Variants in FAT1 observed in about 807,000 individuals in gnomAD.
FAT1 encodes the protein protocadherin Fat 1.
Under a neutral mutation model 329.8 loss-of-function variants are expected in FAT1, and 171 were observed. That is an observed-to-expected ratio of 0.52 (90% confidence interval 0.46 to 0.59). The LOEUF is 0.59. Ranked by LOEUF, FAT1 falls within the 20% of genes least tolerant of loss-of-function variation. The probability of loss-of-function intolerance (pLI) is 0.00; values close to 1 mark genes in which losing one functional copy is unlikely to be tolerated. For missense variants in FAT1, 5,672 were observed against 5,774.4 expected (o/e 0.98, Z 0.57); for synonymous variants, 2,233 against 2,228.6 (o/e 1.00, Z -0.06).
rs1740409903 is a variant in FAT1, at chr4:186,628,188, C to G, written c.4776G>C (p.Gly1592=). ...LQVTALDKDK[G]KNAEVLYSIE... ...TCGAGTACAGCACTTCAGCATTTTTCCCTTTGTCCTTGTCCAGAGCCGTCA... is the reference window on the plus strand; with the variant it reads ...TCGAGTACAGCACTTCAGCATTTTTGCCTTTGTCCTTGTCCAGAGCCGTCA... Residue 1592 remains glycine (G), a synonymous_variant, in exon 9 of 27, where the codon GGG becomes GGC. Coordinates refer to ENST00000441802, the MANE Select transcript of FAT1 (RefSeq NM_005245.4). The G allele has an allele frequency of 1.2e-6, 2 of 1,613,914 alleles. No homozygotes were observed. Among genetic ancestry groups the G allele is most frequent in the East Asian group, 4.5e-5 (2 of 44,878 alleles).
At position 186,617,997 on chromosome 4, in the gene FAT1, G is replaced by A. The variant is rs779703371; in HGVS notation, c.8589C>T (p.Asn2863=). The change falls in exon 10 of 27, where the codon AAC becomes AAT. Residue 2863 remains asparagine, a synonymous_variant. Coordinates refer to ENST00000441802, the MANE Select transcript of FAT1 (RefSeq NM_005245.4). ...SVEVIESFAI[N]METGWITTLK... ...AAGTTGTAATCCAGCCTGTTTCCAT[G>A]TTAATGGCAAAGGATTCAATGACTT... 6.2e-7 allele frequency: 1 copy of A among 1,614,014 alleles called. No individual in the cohort carries two copies. The highest frequency in any genetic ancestry group is 1.1e-5 in the South Asian group (1 of 91,076).
At chr4:186,612,699 A>C (rs888656349) in intron 13 of FAT1, among the ~76,000 whole-genome samples, 2 of 152,216 alleles carry the variant, frequency 1.3e-5, no homozygotes, top group Non-Finnish European at 2.9e-5. Context: ...ACAAATATAC[A>C]TTCTATAGTC....
At chr4:186,674,658 T>TA (rs1385707887) in intron 2 of FAT1, among the ~76,000 whole-genome samples, 1 of 152,038 alleles carries the variant, frequency 6.6e-6, no homozygotes, top group Non-Finnish European at 1.5e-5. Context: ...CCATTTAGGA[T>TA]AAAAAAGAAA....
At chr4:186,682,917 A>T (rs1424947296) in intron 2 of FAT1, among the ~76,000 whole-genome samples, 2 of 152,174 alleles carry the variant, frequency 1.3e-5, no homozygotes, top group South Asian at 2.1e-4. Flanking sequence ...AAAAAGGAAG[A>T]GTGTGTGCCA....
chr4:186,682,526 C>CAAAGAAAAAAAAAAAAAA (rs1743268244), intron 2 of FAT1, among the ~76,000 whole-genome samples: 1 of 119,706 alleles, frequency 8.4e-6, no homozygotes, highest in African/African-American at 3.9e-5. Flanking sequence ...GACTCTGTCT[C>CAAAGAAAAAAAAAAAAAA]AAAAAAAAAA....
At chr4:186,634,386 C>G (rs1280689002) in intron 6 of FAT1, among the ~76,000 whole-genome samples, 1 of 151,818 alleles carries the variant, frequency 6.6e-6, no homozygotes, top group Non-Finnish European at 1.5e-5. Context: ...TAATATTATC[C>G]AAATATTTTT....
chr4:186,600,597 TAACTG>T (rs1420612015), intron 21 of FAT1, among the ~76,000 whole-genome samples: 21 of 152,242 alleles, frequency 1.4e-4, no homozygotes, highest in Non-Finnish European at 2.4e-4. Flanking sequence ...AATTAACTAT[TAACTG>T]AACACATAAG....
At chr4:186,633,414 G>A (rs1317519454) in intron 7 of FAT1, among the ~76,000 whole-genome samples, 2 of 152,108 alleles carry the variant, frequency 1.3e-5, no homozygotes, top group East Asian at 3.9e-4. Context: ...TGTAAAATTC[G>A]AAGATTTTGA....
intron 1 of FAT1, among the ~76,000 whole-genome samples, chr4:186,715,925 C>T (rs1745185901): frequency 6.6e-6 from 1 of 152,128 alleles, no homozygotes; most frequent in South Asian, 2.1e-4. Context: ...CTTCATATTT[C>T]TTCATTAGGG....
At position 186,707,140 on chromosome 4, in the gene FAT1, C is replaced by T. The variant is rs1320728222; in HGVS notation, c.2688G>A (p.Glu896=). The T allele has an allele frequency of 1.2e-6, 2 of 1,613,918 alleles. No homozygotes were observed. The highest frequency in any genetic ancestry group is 1.7e-6 in the Non-Finnish European group (2 of 1,179,870). ...ELQHEHSLKI[E]ARDQAREEPQ... ...GCTCTTCTCTGGCTTGGTCCCTGGCCTCAATCTTTAAGGAGTGCTCATGCT... is the reference window on the plus strand; with the variant it reads ...GCTCTTCTCTGGCTTGGTCCCTGGCTTCAATCTTTAAGGAGTGCTCATGCT... The change falls in exon 2 of 27, where the codon GAG becomes GAA. Residue 896 remains glutamate (E), a synonymous_variant. Transcript: ENST00000441802.
chr4:186,718,099 C>T (rs1040264638), intron 1 of FAT1, among the ~76,000 whole-genome samples: 28 of 152,176 alleles, frequency 1.8e-4, no homozygotes, highest in African/African-American at 6.5e-4. Flanking sequence ...TAATTAGATT[C>T]GGTCAACCCT....
intron 16 of FAT1, 115 bp from the exon 17 acceptor site, chr4:186,606,328 G>T: frequency 9.3e-7 from 1 of 1,071,240 alleles, no homozygotes; most frequent in Non-Finnish European, 1.3e-6. Context: ...ACCACTATCT[G>T]TTGCATCCTG....
At chr4:186,633,481 T>C (rs992312039) in intron 7 of FAT1, among the ~76,000 whole-genome samples, 3 of 152,198 alleles carry the variant, frequency 2.0e-5, no homozygotes, top group Non-Finnish European at 2.9e-5. Context: ...TTCTCAAAAC[T>C]GCTTAATTAT....
At chr4:186,688,529 C>T (rs866242486) in intron 2 of FAT1, among the ~76,000 whole-genome samples, 2 of 152,010 alleles carry the variant, frequency 1.3e-5, no homozygotes, top group Non-Finnish European at 2.9e-5. Context: ...CAATAGGGTT[C>T]CAAGCAAGAC....
chr4:186,675,278 C>A (rs1342573178), intron 2 of FAT1, among the ~76,000 whole-genome samples: 2 of 150,958 alleles, frequency 1.3e-5, no homozygotes, highest in Non-Finnish European at 2.9e-5. Context: ...TAAGGAAAAA[C>A]CCTCTTTAGG....
rs1739289705 is a variant in FAT1, at chr4:186,609,390, G to A, written c.10069-70C>T. ...CCTAAACCTATTACACAAAATTTGTGATATTAATAGCTTAGCTGTTTCTTT... is the reference window on the plus strand; with the variant it reads ...CCTAAACCTATTACACAAAATTTGTAATATTAATAGCTTAGCTGTTTCTTT... On this transcript the variant is annotated intron_variant, in intron 15 of 26. Transcript: ENST00000441802. 7.3e-6 allele frequency: 11 copies of A among 1,514,580 alleles called. No homozygotes were observed. The South Asian group carries it at 1.4e-4, about 19-fold the overall frequency. The allele number at this position is 1,514,580 out of a possible 1,614,324, so 93.8% of individuals were successfully genotyped here.
intron 3 of FAT1, among the ~76,000 whole-genome samples, chr4:186,656,718 T>C (rs997635534): frequency 4.6e-5 from 7 of 152,280 alleles, no homozygotes; most frequent in African/African-American, 7.2e-5. Context: ...TGCATACATA[T>C]CTGTATTTCC....
At chr4:186,653,626 A>T (rs1028694256) in intron 3 of FAT1, among the ~76,000 whole-genome samples, 1 of 152,226 alleles carries the variant, frequency 6.6e-6, no homozygotes, top group Non-Finnish European at 1.5e-5. Context: ...CTGGCTAGTG[A>T]AGAATGGCTT....
chr4:186,612,517 G>A (rs1297363085), intron 13 of FAT1, among the ~76,000 whole-genome samples: 1 of 152,034 alleles, frequency 6.6e-6, no homozygotes, highest in Non-Finnish European at 1.5e-5. Flanking sequence ...GGAGCATTTC[G>A]GATTTCAGAT....
Sources: allele counts gnomAD v4.1 joint callset (sites outside exome capture counted in the v4.1 genomes callset), GRCh38; gene constraint gnomAD v4.1.1; transcripts MANE v1.5; gene names NCBI Gene and HGNC (gene_info 2026-07-23, HGNC 2026-07-21).